Variants in ATP8B4 observed in about 807,000 individuals in gnomAD.
ATP8B4 encodes the protein probable phospholipid-transporting ATPase IM.
In ATP8B4, 133 loss-of-function variants were observed where a neutral mutation model predicts 145.6. The observed-to-expected ratio is 0.91, with a 90% CI of 0.79 to 1.05. ATP8B4 has a LOEUF of 1.05. Ranked by LOEUF, ATP8B4 falls within the 50% of genes least tolerant of loss-of-function variation. ATP8B4 has a pLI of 0.00. For missense variants in ATP8B4, 1,458 were observed against 1,425.2 expected (o/e 1.02, Z -0.37); for synonymous variants, 507 against 492.9 (o/e 1.03, Z -0.38).
At chr15:50,012,403 G>A (rs75970656) in intron 6 of ATP8B4, among the ~76,000 whole-genome samples, 10,227 of 152,234 alleles carry the variant, frequency 0.067, 372 homozygotes, top group Non-Finnish European at 0.085. Flanking sequence ...ATGATATTGC[G>A]TCTTATTTCC....
chr15:50,131,037 AAGG>A (rs1349802998), intron 1 of ATP8B4, among the ~76,000 whole-genome samples: 1 of 151,860 alleles, frequency 6.6e-6, no homozygotes, highest in Non-Finnish European at 1.5e-5. Flanking sequence ...AGGCAGCAGG[AAGG>A]AGAAGTGCCT....
At chr15:49,965,844 G>C (rs996600847) in intron 13 of ATP8B4, among the ~76,000 whole-genome samples, 1 of 152,088 alleles carries the variant, frequency 6.6e-6, no homozygotes, top group Non-Finnish European at 1.5e-5. Context: ...TGGACAAATA[G>C]GAACAGCTCT....
chr15:49,959,692 T>A (rs1297105214), intron 14 of ATP8B4, among the ~76,000 whole-genome samples: 1 of 152,028 alleles, frequency 6.6e-6, no homozygotes, highest in African/African-American at 2.4e-5. Flanking sequence ...AGACACTAGG[T>A]GGAAACAATA....
chr15:50,070,332 G>A (rs185359552), intron 3 of ATP8B4, among the ~76,000 whole-genome samples: 1 of 152,214 alleles, frequency 6.6e-6, no homozygotes, highest in East Asian at 1.9e-4. Flanking sequence ...AAATCAGATA[G>A]GCATAGGTTC....
intron 14 of ATP8B4, 50 bp from the exon 15 acceptor site, chr15:49,934,232 T>G: frequency 1.9e-6 from 3 of 1,542,016 alleles, no homozygotes; most frequent in Non-Finnish European, 2.6e-6. Context: ...ATTCCAATAA[T>G]TATCTTTTAA....
intron 6 of ATP8B4, among the ~76,000 whole-genome samples, chr15:50,022,439 T>G (rs1401954705): frequency 1.3e-5 from 2 of 152,182 alleles, no homozygotes; most frequent in Non-Finnish European, 2.9e-5. Flanking sequence ...TTAATCATCT[T>G]TGGCACATGG....
At chr15:50,174,830 T>A (rs534471585) in intron 1 of ATP8B4, among the ~76,000 whole-genome samples, 3 of 152,072 alleles carry the variant, frequency 2.0e-5, no homozygotes, top group Non-Finnish European at 4.4e-5. Flanking sequence ...AGAGCCCACA[T>A]AGCCAAAGCA....
At chr15:49,914,351 T>C (rs187494877) in intron 20 of ATP8B4, among the ~76,000 whole-genome samples, 11 of 152,206 alleles carry the variant, frequency 7.2e-5, no homozygotes, top group African/African-American at 2.6e-4. Context: ...GACTTAAATA[T>C]AATCCCCAAA....
chr15:49,988,181 A>T (rs2046780123), intron 9 of ATP8B4, among the ~76,000 whole-genome samples: 1 of 152,194 alleles, frequency 6.6e-6, no homozygotes, highest in Non-Finnish European at 1.5e-5. Flanking sequence ...AACTGGCTAG[A>T]AGATGTTTCT....
chr15:50,056,486 T>A (rs1229293988), intron 3 of ATP8B4, among the ~76,000 whole-genome samples: 1 of 152,096 alleles, frequency 6.6e-6, no homozygotes, highest in African/African-American at 2.4e-5. Context: ...CAGGAAGCCT[T>A]CTTGCTTGAT....
chr15:50,014,132 G>T (rs1266799009), intron 6 of ATP8B4, among the ~76,000 whole-genome samples: 1 of 152,164 alleles, frequency 6.6e-6, no homozygotes, highest in Non-Finnish European at 1.5e-5. Flanking sequence ...CAGCAACATG[G>T]ATTCCTGAAA....
At chr15:50,061,190 T>C (rs1157900553) in intron 3 of ATP8B4, among the ~76,000 whole-genome samples, 1 of 150,052 alleles carries the variant, frequency 6.7e-6, no homozygotes, top group South Asian at 2.1e-4. Flanking sequence ...GTATATTGGA[T>C]AAAAAAAAAA....
At chr15:50,176,434 G>A (rs1196458605) in intron 1 of ATP8B4, among the ~76,000 whole-genome samples, 1 of 152,020 alleles carries the variant, frequency 6.6e-6, no homozygotes, top group Non-Finnish European at 1.5e-5. Flanking sequence ...CTCAGGTCAT[G>A]GGTGCACCAA....
intron 10 of ATP8B4, among the ~76,000 whole-genome samples, chr15:49,986,200 C>T (rs951173611): frequency 6.6e-6 from 1 of 152,158 alleles, no homozygotes; most frequent in Non-Finnish European, 1.5e-5. Flanking sequence ...CCATTCCAAA[C>T]AAGGTCACGG....
chr15:50,002,450 G>A (rs530971983), intron 7 of ATP8B4, among the ~76,000 whole-genome samples: 1 of 152,122 alleles, frequency 6.6e-6, no homozygotes, highest in South Asian at 2.1e-4. Context: ...AGCAAGGAAA[G>A]GAGCTATCAT....
intron 13 of ATP8B4, among the ~76,000 whole-genome samples, chr15:49,970,663 G>A (rs562463302): frequency 6.6e-6 from 1 of 152,288 alleles, no homozygotes; most frequent in African/African-American, 2.4e-5. Flanking sequence ...TCATGGATAG[G>A]AAGAATCAAT....
chr15:50,157,126 C>T (rs534837032), intron 1 of ATP8B4, among the ~76,000 whole-genome samples: 20 of 152,158 alleles, frequency 1.3e-4, no homozygotes, highest in African/African-American at 4.6e-4. Flanking sequence ...AAAAGACATA[C>T]CCACAGATAG....
intron 1 of ATP8B4, among the ~76,000 whole-genome samples, chr15:50,154,097 C>A (rs1334834031): frequency 6.6e-6 from 1 of 152,134 alleles, no homozygotes; most frequent in African/African-American, 2.4e-5. Context: ...TAAACACATC[C>A]TTCATAAACA....
intron 20 of ATP8B4, among the ~76,000 whole-genome samples, chr15:49,909,098 G>A (rs2038944068): frequency 1.3e-5 from 2 of 152,016 alleles, no homozygotes; most frequent in Admixed American, 6.5e-5. Context: ...GGGAGAAGGG[G>A]AACATACAGA....
Sources: gnomAD v4.1 joint callset for allele counts (sites outside exome capture counted in the v4.1 genomes callset) on GRCh38, gnomAD v4.1.1 for gene constraint, MANE v1.5 for transcripts, NCBI Gene and HGNC (gene_info 2026-07-23, HGNC 2026-07-21) for gene names.